The following DNAH3 variants were observed in gnomAD, a reference collection of about 807,000 sequenced individuals.
The protein encoded by DNAH3 is dynein axonemal heavy chain 3.
Under a neutral mutation model 432.5 loss-of-function variants are expected in DNAH3, and 332 were observed. The observed-to-expected ratio is 0.77, with a 90% CI of 0.70 to 0.84. The LOEUF is 0.84. Ranked by LOEUF, DNAH3 falls within the 40% of genes least tolerant of loss-of-function variation. The probability of loss-of-function intolerance (pLI) is 0.00; values close to 1 mark genes in which losing one functional copy is unlikely to be tolerated. For missense variants in DNAH3, 4,861 were observed against 5,114.0 expected, an observed-to-expected ratio of 0.95 and a Z score of 1.51; for synonymous variants, 1,956 against 1,900.2, an observed-to-expected ratio of 1.03 and a Z score of -0.76.
At chr16:21,113,310 C>G (rs2092115167) in intron 12 of DNAH3, among the ~76,000 whole-genome samples, 1 of 152,134 alleles carries the variant, frequency 6.6e-6, no homozygotes, top group African/African-American at 2.4e-5. Context: ...CTGGTGAGAT[C>G]TGATGGGTTT....
chr16:21,089,384 TA>T (rs2091468143), intron 18 of DNAH3, among the ~76,000 whole-genome samples: 1 of 152,176 alleles, frequency 6.6e-6, no homozygotes, highest in African/African-American at 2.4e-5. Flanking sequence ...CTTGATAAAA[TA>T]TTCCACTCAA....
chr16:21,066,371 C>CA (rs904269210), intron 24 of DNAH3, among the ~76,000 whole-genome samples: 46 of 150,496 alleles, frequency 3.1e-4, no homozygotes, highest in Admixed American at 8.0e-4. Context: ...TAACCTTCTC[C>CA]TTTTTTTTTA....
intron 50 of DNAH3, among the ~76,000 whole-genome samples, chr16:20,978,726 A>C (rs2085715256): frequency 6.6e-6 from 1 of 151,996 alleles, no homozygotes; most frequent in Admixed American, 6.6e-5. Flanking sequence ...TTTTTTGTAG[A>C]GATGGGGTCT....
Position 20,964,319 on chromosome 16 carries a change from C to A in DNAH3, c.9565G>T (p.Val3189Phe), listed in dbSNP as rs749609503. 16 of 1,614,032 alleles carry A rather than the reference C, an allele frequency of 9.9e-6. No homozygotes were observed. Among genetic ancestry groups the A allele is most frequent in the Non-Finnish European group, 1.2e-5 (14 of 1,180,056 alleles). ...GTGATCATGAAGTTGAGGAGACAGA[C>A]CTTCACGGCAACTTCTGGGAGGTAA... Residue 3189 changes from valine (V) to phenylalanine (F), a missense_variant, in exon 53 of 62, where the codon GTC (valine) becomes TTC (phenylalanine). Transcript: ENST00000261383.
chr16:21,134,439 A>C (rs1456897247), exon 7 of DNAH3: 3 of 1,614,034 alleles, frequency 1.9e-6, no homozygotes. Context: ...CATTGGGTCC[A>C]TGAGGATGTA....
At chr16:21,138,841 T>C (rs117729788) in intron 5 of DNAH3, among the ~76,000 whole-genome samples, 1,915 of 151,114 alleles carry the variant, frequency 0.013, 21 homozygotes, top group Admixed American at 0.02. Context: ...GAGACTTTGG[T>C]ATCAGCCAGA....
intron 27 of DNAH3, among the ~76,000 whole-genome samples, chr16:21,056,563 T>A (rs1047107623): frequency 1.3e-5 from 2 of 152,166 alleles, no homozygotes; most frequent in African/African-American, 4.8e-5. Context: ...GTCTGTCTCA[T>A]TCACATCTAA....
rs142611958 is a variant in DNAH3 at position 20,955,824 on chromosome 16, T to C, written c.10827-767A>G. 1.6e-3 allele frequency among the ~76,000 whole-genome samples: 248 copies of C among 152,310 alleles called. 1 individual carries two copies. Among genetic ancestry groups the C allele is most frequent in the African/African-American group, 5.5e-3 (228 of 41,574 alleles). On this transcript the variant is annotated intron_variant, in intron 54 of 61. Transcript: ENST00000261383. ...AAATGGAAACATATGTAAAAGTGTT[T>C]AGAAGAAACTAGAATTGATAATTTT... is the stretch of plus-strand genomic sequence containing the variant.
intron 34 of DNAH3, 143 bp from the exon 35 acceptor site, chr16:21,036,991 C>T (rs547344889): frequency 3.0e-6 from 2 of 668,098 alleles, no homozygotes; most frequent in Non-Finnish European, 5.0e-6. Context: ...AACTTTTCTA[C>T]AATTACAAAT....
intron 33 of DNAH3, 145 bp from the exon 34 acceptor site, chr16:21,038,125 T>C (rs1211282439): frequency 3.0e-6 from 2 of 664,372 alleles, no homozygotes; most frequent in Non-Finnish European, 5.2e-6. Context: ...TAAGGATATT[T>C]TAATAGAGTT....
chr16:20,974,985 GTT>G (rs35783206), intron 51 of DNAH3, among the ~76,000 whole-genome samples: 19,951 of 120,480 alleles, frequency 0.17, 1,916 homozygotes, highest in African/African-American at 0.28. Flanking sequence ...CACCTGGCTA[GTT>G]TTTTTTTTTT....
chr16:21,097,138 T>C (rs1463110746), intron 18 of DNAH3, among the ~76,000 whole-genome samples: 4 of 152,192 alleles, frequency 2.6e-5, no homozygotes, highest in African/African-American at 9.6e-5. Context: ...GGTGGCTGCC[T>C]ATTGTGTTTT....
chr16:21,134,633 C>T (rs933677077), intron 6 of DNAH3, among the ~76,000 whole-genome samples, 179 bp from the exon 8 acceptor site: 4 of 152,148 alleles, frequency 2.6e-5, no homozygotes, highest in Admixed American at 2.0e-4. Context: ...GCTGGGATTA[C>T]AGGCATGAGT....
At chr16:21,141,335 C>G (rs1229606843) in exon 4 of DNAH3, 2 of 1,591,882 alleles carry the variant, frequency 1.3e-6, no homozygotes, top group African/African-American at 1.3e-5. Context: ...AGGAAAACTT[C>G]GTTTTTTTCC....
chr16:21,153,785 C>T (rs577165311), intron 1 of DNAH3, among the ~76,000 whole-genome samples: 2 of 152,332 alleles, frequency 1.3e-5, no homozygotes, highest in East Asian at 1.9e-4. Flanking sequence ...CCCACGGCTT[C>T]ATTCTTGAAG....
At chr16:21,062,412 G>T in intron 25 of DNAH3, 70 bp downstream of exon 25, 1 of 1,332,584 alleles carries the variant, frequency 7.5e-7, no homozygotes, top group Non-Finnish European at 1.1e-6. Context: ...TAGTCCCAGT[G>T]CTTAGCCAAT....
chr16:21,117,862 C>A (rs1202054232), intron 11 of DNAH3, among the ~76,000 whole-genome samples: 2 of 152,262 alleles, frequency 1.3e-5, no homozygotes, highest in East Asian at 3.9e-4. Context: ...TCGTAGTGCT[C>A]CCCTCCTCCC....
chr16:21,048,446 C>T (rs1363075602), intron 31 of DNAH3, among the ~76,000 whole-genome samples: 3 of 152,214 alleles, frequency 2.0e-5, no homozygotes, highest in Non-Finnish European at 4.4e-5. Flanking sequence ...TTTCCAGGTG[C>T]CGTCTGTCAC....
chr16:21,065,946 C>T (rs1300065681), intron 24 of DNAH3, among the ~76,000 whole-genome samples: 4 of 152,080 alleles, frequency 2.6e-5, no homozygotes, highest in Admixed American at 2.6e-4. Flanking sequence ...CCTGCCTTAG[C>T]CTCCCAAGTA....
Sources: allele counts gnomAD v4.1 joint callset (sites outside exome capture counted in the v4.1 genomes callset), GRCh38; gene constraint gnomAD v4.1.1; transcripts MANE v1.5; gene names NCBI Gene and HGNC (gene_info 2026-07-23, HGNC 2026-07-21).